Variants in MNAT1 observed in about 807,000 individuals in gnomAD.
MNAT1 encodes the protein MNAT1 component of CDK activating kinase.
A neutral mutation model predicts 42.0 loss-of-function variants in MNAT1; 43 were observed. The ratio of observed to expected loss-of-function variants is 1.02; its 90% CI spans 0.80 to 1.32. MNAT1 has a LOEUF of 1.32. Among genes scored for constraint, MNAT1 ranks in the 40% most tolerant of loss-of-function variants. The pLI is 0.00. For missense variants in MNAT1, 306 were observed against 350.4 expected (o/e 0.87, Z 1.01); for synonymous variants, 118 against 120.0 (o/e 0.98, Z 0.11).
At chr14:60,943,381 T>C (rs188979013) in intron 7 of MNAT1, among the ~76,000 whole-genome samples, 64 of 152,284 alleles carry the variant, frequency 4.2e-4, no homozygotes, top group Non-Finnish European at 8.1e-4. Context: ...TAACTACAAT[T>C]CTAGGAGATA....
chr14:60,886,592 T>C (rs970380494), intron 7 of MNAT1, among the ~76,000 whole-genome samples: 11 of 152,138 alleles, frequency 7.2e-5, no homozygotes, highest in African/African-American at 2.6e-4. Flanking sequence ...TCAATATTAG[T>C]ATAAAGAAAT....
Position 60,824,135 on chromosome 14 carries a change from C to T in MNAT1, c.687+5288C>T, listed in dbSNP as rs368231036. On this transcript the variant is annotated intron_variant, in intron 6 of 7. Transcript: ENST00000261245. Reference sequence around the variant, plus strand: ...TCAAGCCACAGCACTCCAGCCTGGGCGACAGAGTGAGACTCCATCTCAAAA... The same window carrying T: ...TCAAGCCACAGCACTCCAGCCTGGGTGACAGAGTGAGACTCCATCTCAAAA... Among the ~76,000 whole-genome samples the T allele has an allele frequency of 4.6e-5, 7 of 151,850 alleles. No individual in the cohort carries two copies. In the East Asian group the frequency reaches 9.7e-4, roughly 21 times the overall value.
chr14:60,779,940 G>A (rs938184275), intron 1 of MNAT1: 37 of 1,348,718 alleles, frequency 2.7e-5, no homozygotes, highest in South Asian at 1.3e-4. Flanking sequence ...GTGAAAGCGC[G>A]TGCCTTTGTT....
At chr14:60,744,406 A>G (rs143960031) in intron 1 of MNAT1, among the ~76,000 whole-genome samples, 2 of 150,472 alleles carry the variant, frequency 1.3e-5, no homozygotes, top group Non-Finnish European at 3.0e-5. Context: ...TGCGGGGATT[A>G]CAGGTGTGAG....
At chr14:60,928,531 T>G (rs1279397538) in intron 7 of MNAT1, among the ~76,000 whole-genome samples, 5 of 152,212 alleles carry the variant, frequency 3.3e-5, no homozygotes, top group African/African-American at 1.2e-4. Context: ...GTCATTTTGA[T>G]TATAACCATT....
intron 5 of MNAT1, among the ~76,000 whole-genome samples, chr14:60,814,868 G>T (rs1358342951): frequency 6.6e-6 from 1 of 152,092 alleles, no homozygotes. Context: ...GGCAGGTATG[G>T]CTTTAACAGT....
chr14:60,829,409 C>T (rs1239546346), intron 6 of MNAT1, among the ~76,000 whole-genome samples: 1 of 152,020 alleles, frequency 6.6e-6, no homozygotes, highest in Non-Finnish European at 1.5e-5. Context: ...AATGAAAACA[C>T]TGAAATATTT....
At chr14:60,824,561 T>C (rs1184322868) in intron 6 of MNAT1, among the ~76,000 whole-genome samples, 1 of 152,146 alleles carries the variant, frequency 6.6e-6, no homozygotes, top group Non-Finnish European at 1.5e-5. Context: ...CAATAAAGTA[T>C]AGAAGAAAGA....
chr14:60,796,099 A>G, intron 1 of MNAT1, 118 bp from the exon 2 acceptor site: 1 of 833,890 alleles, frequency 1.2e-6, no homozygotes, highest in Non-Finnish European at 1.7e-6. Context: ...GTAAGATTTT[A>G]AATAGAAGTG....
At chr14:60,917,759 A>T (rs2035557261) in intron 7 of MNAT1, among the ~76,000 whole-genome samples, 1 of 151,602 alleles carries the variant, frequency 6.6e-6, no homozygotes, top group African/African-American at 2.4e-5. Context: ...AGTAGCTGGG[A>T]TTACAGGTGT....
intron 6 of MNAT1, among the ~76,000 whole-genome samples, chr14:60,820,486 G>C (rs965419323): frequency 1.3e-5 from 2 of 149,816 alleles, no homozygotes; most frequent in Non-Finnish European, 3.0e-5. Context: ...ATAAGATCTG[G>C]CTTACAGTCT....
intron 7 of MNAT1, among the ~76,000 whole-genome samples, chr14:60,911,769 G>A (rs1049868203): frequency 6.6e-6 from 1 of 152,134 alleles, no homozygotes; most frequent in Admixed American, 6.6e-5. Context: ...AATAGGTGTG[G>A]TGTGGTGCTG....
chr14:60,800,479 A>C (rs1326257354), intron 3 of MNAT1, among the ~76,000 whole-genome samples: 7 of 152,108 alleles, frequency 4.6e-5, no homozygotes, highest in Non-Finnish European at 7.4e-5. Flanking sequence ...GTCCAAGGCT[A>C]CAGTGAACCA....
chr14:60,873,671 A>C (rs1459638373), intron 6 of MNAT1, among the ~76,000 whole-genome samples: 1 of 139,776 alleles, frequency 7.2e-6, no homozygotes, highest in Non-Finnish European at 1.5e-5. Context: ...ATGGCTCACT[A>C]TGTTGCCCAG....
At chr14:60,839,172 G>A (rs1319964093) in intron 6 of MNAT1, among the ~76,000 whole-genome samples, 6 of 152,168 alleles carry the variant, frequency 3.9e-5, no homozygotes, top group Non-Finnish European at 8.8e-5. Context: ...AGTTCTGAGT[G>A]GAATCAGCAG....
intron 1 of MNAT1, among the ~76,000 whole-genome samples, chr14:60,736,397 C>A (rs1896310815): frequency 6.6e-6 from 1 of 151,726 alleles, no homozygotes; most frequent in South Asian, 2.1e-4. Flanking sequence ...GAAGATTATA[C>A]GATTTCAGTA....
intron 7 of MNAT1, among the ~76,000 whole-genome samples, chr14:60,948,960 T>G (rs1279038867): frequency 6.6e-6 from 1 of 152,170 alleles, no homozygotes; most frequent in Non-Finnish European, 1.5e-5. Context: ...AGTTTTAGGA[T>G]TCTGTGTTAC....
intron 3 of MNAT1, among the ~76,000 whole-genome samples, chr14:60,808,075 T>G (rs1457480104): frequency 2.0e-5 from 3 of 152,068 alleles, no homozygotes; most frequent in South Asian, 4.1e-4. Flanking sequence ...ATATCTTAGG[T>G]TTTCTGGAGT....
intron 7 of MNAT1, among the ~76,000 whole-genome samples, chr14:60,960,777 T>C (rs1199642437): frequency 6.6e-6 from 1 of 151,850 alleles, no homozygotes; most frequent in Non-Finnish European, 1.5e-5. Context: ...GAAATATTTC[T>C]AAACCAGTAG....
Sources: gnomAD v4.1 joint callset for allele counts (sites outside exome capture counted in the v4.1 genomes callset) on GRCh38, gnomAD v4.1.1 for gene constraint, MANE v1.5 for transcripts, NCBI Gene and HGNC (gene_info 2026-07-23, HGNC 2026-07-21) for gene names.